ECPAS: variants seen among roughly 807,000 people sequenced by gnomAD.
The protein encoded by ECPAS is proteasome adapter and scaffold protein ECM29.
A neutral mutation model predicts 255.1 loss-of-function variants in ECPAS; 70 were observed. The ratio of observed to expected loss-of-function variants is 0.27; its 90% CI spans 0.23 to 0.33. The LOEUF is 0.33. Ranked by LOEUF, ECPAS falls within the 10% of genes least tolerant of loss-of-function variation. The pLI is 1.00. For missense variants in ECPAS, 1,817 were observed against 2,206.4 expected (o/e 0.82, Z 3.54); for synonymous variants, 784 against 775.0 (o/e 1.01, Z -0.19).
At position 111,420,037 on chromosome 9, in the gene ECPAS, C is replaced by A. The variant is rs915338711; in HGVS notation, c.1539G>T (p.Leu513=). 15 of 1,611,346 alleles carry A rather than the reference C, an allele frequency of 9.3e-6. No individual in the cohort carries two copies. The African/African-American group carries it at 1.7e-4, about 19-fold the overall frequency. The change falls in exon 16 of 50, where the codon CTG becomes CTT. Residue 513 remains leucine, a synonymous_variant. Coordinates refer to ENST00000684092, the MANE Select transcript of ECPAS (RefSeq NM_001364929.1). ...CTTACGGATCTCCTGCAGCCAGTAG[C>A]AGCAAATATCTGGAAGGGATATGAT... ...PSDHIPSRYL[L]LLAAGDPREE...
chr9:111,457,647 G>A (rs1016640473), intron 2 of ECPAS, among the ~76,000 whole-genome samples: 3 of 152,138 alleles, frequency 2.0e-5, no homozygotes, highest in Non-Finnish European at 4.4e-5. Context: ...AGGGCAAGTG[G>A]GCAGCGTGAC....
chr9:111,406,263 G>C (rs1589153171), intron 24 of ECPAS, among the ~76,000 whole-genome samples: 2 of 149,702 alleles, frequency 1.3e-5, no homozygotes, highest in East Asian at 4.0e-4. Context: ...GCAAAAATAA[G>C]CCAGGCACAG....
rs1373300885 is a variant in ECPAS at position 111,402,718 on chromosome 9, CTTGT to C, written c.2653-5569_2653-5566del. Among the ~76,000 whole-genome samples, 6 of 152,266 alleles carry C rather than the reference CTTGT, an allele frequency of 3.9e-5. No homozygotes were observed. The East Asian group carries it at 1.2e-3, about 29-fold the overall frequency. On this transcript the variant is annotated intron_variant, in intron 24 of 49. Coordinates refer to ENST00000684092, the MANE Select transcript of ECPAS (RefSeq NM_001364929.1). ...ACAGAGTTTTTAAGTTTTTTCTTTG[CTTGT>C]TTTTGTTCTTTTCTTGTGATCAAAG...
chr9:111,438,459 T>C (rs2131884379), intron 6 of ECPAS, among the ~76,000 whole-genome samples: 1 of 151,728 alleles, frequency 6.6e-6, no homozygotes, highest in East Asian at 1.9e-4. Context: ...TACAAAAAAA[T>C]TAGCTGGGTG....
At chr9:111,465,548 A>G (rs1413760715) in intron 2 of ECPAS, among the ~76,000 whole-genome samples, 1 of 152,136 alleles carries the variant, frequency 6.6e-6, no homozygotes, top group South Asian at 2.1e-4. Flanking sequence ...CCATGTCAAC[A>G]TTACTCTCCA....
At chr9:111,407,172 T>A (rs544558934) in intron 24 of ECPAS, among the ~76,000 whole-genome samples, 2 of 143,818 alleles carry the variant, frequency 1.4e-5, no homozygotes, top group African/African-American at 2.7e-5. Context: ...GAGGCCGAGG[T>A]GGGCGGATCA....
In ECPAS at chr9:111,363,502, A is replaced by C. The variant is rs867902285; in HGVS notation, c.5380+86T>G. On this transcript the variant is annotated intron_variant, in intron 49 of 49. Transcript: ENST00000684092. Reference sequence around the variant, plus strand: ...TTGTATTTCAGAGTATATGCTTAAGAGTATAAGCAAAAACGAAACAAAAAA... The same window carrying C: ...TTGTATTTCAGAGTATATGCTTAAGCGTATAAGCAAAAACGAAACAAAAAA... 5.4e-5 allele frequency: 40 copies of C among 743,814 alleles called. 2 individuals carry two copies. The South Asian group carries it at 6.1e-4, about 11-fold the overall frequency. The allele number at this position is 743,814 out of a possible 1,614,324, so 46.1% of individuals were successfully genotyped here.
At chr9:111,449,451 T>C (rs761678919) in intron 3 of ECPAS, among the ~76,000 whole-genome samples, 2 of 152,298 alleles carry the variant, frequency 1.3e-5, no homozygotes, top group Middle Eastern at 3.4e-3. Flanking sequence ...AAAATCTGTA[T>C]GTATTCCATA....
chr9:111,435,584 G>A (rs1173070893), intron 7 of ECPAS, among the ~76,000 whole-genome samples: 2 of 152,028 alleles, frequency 1.3e-5, no homozygotes, highest in East Asian at 1.9e-4. Context: ...ACCTTACTGG[G>A]TTGCTCCGAG....
chr9:111,462,381 G>A (rs2098274195), intron 2 of ECPAS, among the ~76,000 whole-genome samples: 1 of 152,102 alleles, frequency 6.6e-6, no homozygotes, highest in African/African-American at 2.4e-5. Context: ...AACAAGATGT[G>A]CACTATCATC....
intron 3 of ECPAS, among the ~76,000 whole-genome samples, chr9:111,451,021 A>T (rs2098259585): frequency 6.6e-6 from 1 of 152,240 alleles, no homozygotes. Flanking sequence ...GAGCTATAAA[A>T]TTATTTTGCT....
At chr9:111,479,807 C>T (rs1398256066) in intron 1 of ECPAS, among the ~76,000 whole-genome samples, 3 of 151,800 alleles carry the variant, frequency 2.0e-5, no homozygotes, top group African/African-American at 4.8e-5. Flanking sequence ...GGTGAAACCT[C>T]GTCTCTACTA....
intron 2 of ECPAS, among the ~76,000 whole-genome samples, chr9:111,468,771 A>G (rs917538231): frequency 1.3e-5 from 2 of 150,946 alleles, no homozygotes; most frequent in African/African-American, 4.8e-5. Flanking sequence ...ATAAGAAACT[A>G]AAGTATAGGG....
chr9:111,480,828 G>A (rs2098303706), intron 1 of ECPAS, among the ~76,000 whole-genome samples: 1 of 152,162 alleles, frequency 6.6e-6, no homozygotes, highest in South Asian at 2.1e-4. Flanking sequence ...AGAAGGCAAG[G>A]ATTGGAATTA....
At chr9:111,372,119 A>C (rs1330537207) in intron 42 of ECPAS, among the ~76,000 whole-genome samples, 3 of 152,208 alleles carry the variant, frequency 2.0e-5, no homozygotes, top group Non-Finnish European at 4.4e-5. Flanking sequence ...AAATACTCTA[A>C]GGCCACATAA....
intron 1 of ECPAS, 37 bp downstream of exon 1, chr9:111,484,079 G>A: frequency 1.6e-6 from 2 of 1,212,788 alleles, no homozygotes; most frequent in African/African-American, 1.6e-5. Flanking sequence ...CGCGCGCGCA[G>A]GGCCAGTCCC....
intron 2 of ECPAS, among the ~76,000 whole-genome samples, chr9:111,459,704 T>G (rs1415780994): frequency 1.3e-5 from 2 of 152,168 alleles, no homozygotes; most frequent in Non-Finnish European, 2.9e-5. Context: ...TTAAGGGGCT[T>G]TTTTAATTAC....
intron 24 of ECPAS, among the ~76,000 whole-genome samples, chr9:111,406,707 C>T (rs2098184492): frequency 6.7e-6 from 1 of 148,714 alleles, no homozygotes; most frequent in Non-Finnish European, 1.5e-5. Context: ...AGTTCAAGAC[C>T]ACCCTAGGCC....
intron 7 of ECPAS, among the ~76,000 whole-genome samples, chr9:111,436,530 C>A (rs1362808565): frequency 6.6e-6 from 1 of 151,996 alleles, no homozygotes; most frequent in Non-Finnish European, 1.5e-5. Flanking sequence ...TTACATAAAA[C>A]GTACAGCCCT....
Sources: allele counts gnomAD v4.1 joint callset (sites outside exome capture counted in the v4.1 genomes callset), GRCh38; gene constraint gnomAD v4.1.1; transcripts MANE v1.5; gene names NCBI Gene and HGNC (gene_info 2026-07-23, HGNC 2026-07-21).